Variants in SPEN observed in about 807,000 individuals in gnomAD.
SPEN encodes msx2-interacting protein.
A neutral mutation model predicts 269.9 loss-of-function variants in SPEN; 18 were observed. The ratio of observed to expected loss-of-function variants is 0.07; its 90% CI spans 0.05 to 0.10. SPEN has a LOEUF of 0.10. SPEN is among the 10% of genes least tolerant of loss of function. SPEN has a pLI of 1.00. For missense variants in SPEN, 3,822 were observed against 4,631.2 expected, an observed-to-expected ratio of 0.83 and a Z score of 5.07; for synonymous variants, 1,726 against 1,765.7, an observed-to-expected ratio of 0.98 and a Z score of 0.56.
At chr1:15,872,291 AATATT>A (rs1282290737) in intron 1 of SPEN, among the ~76,000 whole-genome samples, 1 of 149,732 alleles carries the variant, frequency 6.7e-6, no homozygotes, top group Non-Finnish European at 1.5e-5. Context: ...GAGTTTTGTA[AATATT>A]ATATTTAAGG....
chr1:15,935,678 T>C lies in SPEN; in HGVS notation c.9438T>C (p.Gly3146=). 6.2e-7 allele frequency: 1 copy of C among 1,613,924 alleles called. No homozygotes were observed. Among genetic ancestry groups the C allele is most frequent in the Non-Finnish European group, 8.5e-7 (1 of 1,179,964 alleles). ...GCACCCCGCAGCCAGCCCCAGCTGG[T>C]GTGCCTGCACTGGCCTCCCAGCACC... ...RASTPQPAPA[G]VPALASQHPP... The change falls in exon 11 of 15, where the codon GGT becomes GGC. Residue 3146 remains glycine (G), a synonymous_variant. Coordinates refer to ENST00000375759, the MANE Select transcript of SPEN (RefSeq NM_015001.3). The surrounding 1 kb of genome is among the most constrained non-coding windows in gnomAD (Gnocchi z 7.7).
intron 3 of SPEN, among the ~76,000 whole-genome samples, chr1:15,884,782 A>G (rs594906): frequency 0.89 from 134,370 of 151,482 alleles, 59,912 homozygotes; most frequent in Middle Eastern, 0.94. Flanking sequence ...TCACCGGGCT[A>G]GAGTGCAGTG....
In SPEN at chr1:15,939,989, C is replaced by T; in HGVS notation, c.*562C>T. 1 of 231,898 alleles carries T rather than the reference C, an allele frequency of 4.3e-6. No individual in the cohort carries two copies. Among genetic ancestry groups the T allele is most frequent in the Non-Finnish European group, 8.5e-6 (1 of 117,166 alleles). 14.4% of individuals were successfully genotyped at this position (231,898 alleles called of 1,614,324 possible). The stretch of plus-strand genomic sequence containing the variant: ...ATTTGGATGCGTCACCTTAATTCTC[C>T]TGCTGCCACCGTCTTTGATTCACCG... On this transcript the variant is annotated 3_prime_UTR_variant, in exon 15 of 15. Coordinates refer to ENST00000375759, the MANE Select transcript of SPEN (RefSeq NM_015001.3). The surrounding 1 kb of genome is among the most constrained non-coding windows in gnomAD (Gnocchi z 4.1).
chr1:15,886,461 A>T (rs1461550544), intron 3 of SPEN, among the ~76,000 whole-genome samples: 1 of 152,162 alleles, frequency 6.6e-6, no homozygotes, highest in African/African-American at 2.4e-5. Flanking sequence ...GTTTCTCCAC[A>T]GCCCTCAGTC....
Position 15,911,238 on chromosome 1 carries a change from A to G in SPEN, c.1180A>G (p.Thr394Ala). 1 of 1,614,162 alleles carries G rather than the reference A, an allele frequency of 6.2e-7. No individual in the cohort carries two copies. The highest frequency in any genetic ancestry group is 8.5e-7 in the Non-Finnish European group (1 of 1,180,012). Residue 394 changes from threonine to alanine, a missense_variant, in exon 5 of 15, where the codon ACT becomes GCT. By Grantham distance (58) the Thr-to-Ala change is moderately conservative. This residue lies in a region of SPEN where 230 missense variants were observed against 426.1 expected (regional missense o/e 0.54). Coordinates refer to ENST00000375759, the MANE Select transcript of SPEN (RefSeq NM_015001.3). ...GCAAGAGGACCAAGAAAAAGCCTTG[A>G]CTGCATCAAAAGGAAAACTTTTCTT... Reference protein sequence around the residue: ...RQQEDQEKALTASKGKLFFGM... With the variant: ...RQQEDQEKALAASKGKLFFGM...
intron 1 of SPEN, among the ~76,000 whole-genome samples, chr1:15,856,565 C>CTT (rs34812900): frequency 1.1e-4 from 11 of 102,488 alleles, no homozygotes; most frequent in African/African-American, 2.4e-4. Context: ...CTGCCAGATA[C>CTT]TTTTTTTTTT....
chr1:15,863,695 G>C (rs112418927), intron 1 of SPEN, among the ~76,000 whole-genome samples: 5,286 of 151,962 alleles, frequency 0.035, 297 homozygotes, highest in African/African-American at 0.12. Flanking sequence ...AAAAACATCA[G>C]CTGGGTGTGG....
intron 3 of SPEN, among the ~76,000 whole-genome samples, chr1:15,892,442 TTG>T (rs1427414065): frequency 3.3e-5 from 5 of 152,224 alleles, no homozygotes; most frequent in Admixed American, 3.3e-4. Flanking sequence ...ACAAAATAAT[TTG>T]TGTATCAATT....
At chr1:15,857,679 TA>T (rs1165057239) in intron 1 of SPEN, among the ~76,000 whole-genome samples, 2 of 70,410 alleles carry the variant, frequency 2.8e-5, no homozygotes, top group Admixed American at 1.2e-4. Context: ...TTTATTTTCA[TA>T]AAAAAATTGT....
chr1:15,927,952 T>C (rs2071183352), intron 10 of SPEN, 139 bp from the exon 11 acceptor site: 1 of 809,744 alleles, frequency 1.2e-6, no homozygotes, highest in African/African-American at 1.7e-5. Context: ...GGATAGCTAC[T>C]ACAAACTAAT....
chr1:15,898,582 C>CA, intron 3 of SPEN, among the ~76,000 whole-genome samples: 1 of 131,230 alleles, frequency 7.6e-6, no homozygotes, highest in South Asian at 2.5e-4. Flanking sequence ...TTGTTTGAGA[C>CA]AGAGTCTCAC....
Position 15,939,178 on chromosome 1 carries a change from G to C in SPEN, c.10864-118G>C. The stretch of plus-strand genomic sequence containing the variant: ...TAGACATAGTCCTGGCACATTTGCT[G>C]GTTGGGGACTGATTTGGCCTGGCTC... On this transcript the variant is annotated intron_variant, in intron 14 of 14. Coordinates refer to ENST00000375759, the MANE Select transcript of SPEN (RefSeq NM_015001.3). The surrounding 1 kb of genome is among the most constrained non-coding windows in gnomAD (Gnocchi z 4.1). 7.3e-7 allele frequency: 1 copy of C among 1,368,008 alleles called. No individual in the cohort carries two copies. The highest frequency in any genetic ancestry group is 9.8e-7 in the Non-Finnish European group (1 of 1,017,162). 84.7% of individuals were successfully genotyped at this position (1,368,008 alleles called of 1,614,324 possible). A position where few individuals can be genotyped will look rare whatever the true frequency, so the allele number is the denominator to read the frequency against.
At chr1:15,890,558 G>GTTTT (rs1174783667) in intron 3 of SPEN, among the ~76,000 whole-genome samples, 40 of 129,732 alleles carry the variant, frequency 3.1e-4, no homozygotes, top group African/African-American at 1.1e-3. Context: ...TTTGACTCAG[G>GTTTT]TTTTTTTTTT....
intron 6 of SPEN, among the ~76,000 whole-genome samples, chr1:15,917,546 T>C (rs1433588828): frequency 6.6e-6 from 1 of 152,144 alleles, no homozygotes; most frequent in Non-Finnish European, 1.5e-5. Context: ...CCCGCCACCA[T>C]GCCCAGCTAA....
At chr1:15,853,332 C>T (rs1000999421) in intron 1 of SPEN, among the ~76,000 whole-genome samples, 1 of 148,278 alleles carries the variant, frequency 6.7e-6, no homozygotes, top group Non-Finnish European at 1.5e-5. Context: ...GACTACAGGC[C>T]CGTGCCACCA....
Position 15,933,728 on chromosome 1 carries a change from T to C in SPEN, c.7488T>C (p.Thr2496=), listed in dbSNP as rs2071245796. The C allele has an allele frequency of 2.5e-6, 4 of 1,614,148 alleles. No homozygotes were observed. The highest frequency in any genetic ancestry group is 2.5e-6 in the Non-Finnish European group (3 of 1,180,028). The change falls in exon 11 of 15, where the codon ACT becomes ACC. Residue 2496 remains threonine, a synonymous_variant. Transcript: ENST00000375759. The surrounding 1 kb of genome is among the most constrained non-coding windows in gnomAD (Gnocchi z 5.7). ...GGATCCCACACCAGAGCCCCCCTAC[T>C]AAGGTGACAGAGTGGATCACAAGGC... is the stretch of plus-strand genomic sequence containing the variant. ...SGGIPHQSPP[T]KVTEWITRQE... is the part of the protein sequence containing the mutation.
chr1:15,860,801 C>T (rs952056453), intron 1 of SPEN, among the ~76,000 whole-genome samples: 3 of 151,206 alleles, frequency 2.0e-5, no homozygotes, highest in African/African-American at 7.3e-5. Flanking sequence ...GGGGTTTCAC[C>T]ATGTTGGCCA....
Position 15,937,951 on chromosome 1 carries a change from C to T in SPEN, c.10649C>T (p.Ala3550Val). Reference protein sequence around the residue: ...LSEGGPPLRIAQRMRLEATQL... With the variant: ...LSEGGPPLRIVQRMRLEATQL... ...GAAGGAGGGCCCCCACTAAGGATCGCCCAGAGGATGCGGCTGGAGGCAACG... is the reference window on the plus strand; with the variant it reads ...GAAGGAGGGCCCCCACTAAGGATCGTCCAGAGGATGCGGCTGGAGGCAACG... Residue 3550 changes from alanine (A) to valine (V), a missense_variant, in exon 13 of 15, where the codon GCC (alanine) becomes GTC (valine). Transcript: ENST00000375759. The surrounding 1 kb of genome is among the most constrained non-coding windows in gnomAD (Gnocchi z 5.7). The T allele has an allele frequency of 6.2e-7, 1 of 1,613,894 alleles. No individual in the cohort carries two copies. Among genetic ancestry groups the T allele is most frequent in the Non-Finnish European group, 8.5e-7 (1 of 1,179,962 alleles).
chr1:15,859,359 T>C (rs1347802797), intron 1 of SPEN, among the ~76,000 whole-genome samples: 8 of 33,406 alleles, frequency 2.4e-4, no homozygotes, highest in African/African-American at 8.8e-4. Flanking sequence ...TTTTCTTTTC[T>C]TTTTTTTTTT....
Sources: allele counts gnomAD v4.1 joint callset (sites outside exome capture counted in the v4.1 genomes callset), GRCh38; gene constraint gnomAD v4.1.1; regional missense constraint gnomAD v4.1.1; non-coding constraint Gnocchi (gnomAD v3.1); transcripts MANE v1.5; gene names NCBI Gene and HGNC (gene_info 2026-07-23, HGNC 2026-07-21).